HMGXB4: variants seen among roughly 807,000 people sequenced by gnomAD.
HMGXB4 encodes the protein HMG domain-containing protein 4.
Under a neutral mutation model 63.9 loss-of-function variants are expected in HMGXB4, and 27 were observed. That is an observed-to-expected ratio of 0.42 (90% CI 0.31 to 0.58). The LOEUF (loss-of-function observed/expected upper bound fraction) is 0.58, where lower values mean the gene tolerates loss of function less well. Ranked by LOEUF, HMGXB4 falls within the 20% of genes least tolerant of loss-of-function variation. HMGXB4 has a pLI of 0.13. For missense variants in HMGXB4, 624 were observed against 700.7 expected (o/e 0.89, Z 1.24); for synonymous variants, 264 against 265.3 (o/e 0.99, Z 0.05).
intron 8 of HMGXB4, 127 bp downstream of exon 8, chr22:35,287,579 A>G (rs1035642519): frequency 3.0e-6 from 2 of 661,840 alleles, no homozygotes; most frequent in East Asian, 2.8e-5. Context: ...TTACCTGGGA[A>G]TGTTACAAGC....
rs190899555 is a variant in HMGXB4 at position 35,277,649 on chromosome 22, A to G, written c.1216-6313A>G. ...AGGTGTGAGCCACTGCGCCCAGCCA[A>G]TGTGGTTTCTATTCATGTGAAATTT... On this transcript the variant is annotated intron_variant, in intron 5 of 10. Transcript: ENST00000216106. Among the ~76,000 whole-genome samples, 420 of 152,286 alleles carry G rather than the reference A, an allele frequency of 2.8e-3. 2 individuals carry two copies. The highest frequency in any genetic ancestry group is 5.9e-3 in the Admixed American group (90 of 15,288).
At chr22:35,244,003 C>T in the HMGXB4 span, among the ~76,000 whole-genome samples, 8 of 151,962 alleles carry the variant, frequency 5.3e-5, no homozygotes, top group Non-Finnish European at 1.0e-4. Flanking sequence ...ATTTAGTTTT[C>T]AAAAGTTTAG....
At chr22:35,251,235 C>A in the HMGXB4 span, among the ~76,000 whole-genome samples, 1 of 152,040 alleles carries the variant, frequency 6.6e-6, no homozygotes, top group Non-Finnish European at 1.5e-5. Flanking sequence ...CCACCACATC[C>A]GGCTAATTTT....
chr22:35,265,456 C>A lies in HMGXB4; in HGVS notation c.1068C>A (p.Val356=). The change falls in exon 5 of 11, where the codon GTC becomes GTA. Residue 356 remains valine (V), a synonymous_variant. Coordinates refer to ENST00000216106, the MANE Select transcript of HMGXB4 (RefSeq NM_001003681.3). ...TTTCTGCCGTGCCAGTGGGAGAGGTCACAGTGACATCTGGCCCTCCTCCCA... is the reference window on the plus strand; with the variant it reads ...TTTCTGCCGTGCCAGTGGGAGAGGTAACAGTGACATCTGGCCCTCCTCCCA... ...LGLSAVPVGE[V]TVTSGPPPSI... 1 of 1,614,060 alleles carries A rather than the reference C, an allele frequency of 6.2e-7. No homozygotes were observed. Among genetic ancestry groups the A allele is most frequent in the South Asian group, 1.1e-5 (1 of 91,062 alleles).
In HMGXB4 at chr22:35,263,847, C is replaced by T. The variant is rs370570982; in HGVS notation, c.232C>T (p.His78Tyr). ...GGACACACACAAGAAGAAGAGGAAG[C>T]ACTCCTCTGATGATTACTACTATGG... ...GTDTHKKKRKHSSDDYYYGDI... is the reference protein window; with the variant it reads ...GTDTHKKKRKYSSDDYYYGDI... Residue 78 changes from histidine (H) to tyrosine (Y), a missense_variant, in exon 4 of 11, where the codon CAC becomes TAC. By Grantham distance (83) the His-to-Tyr change is moderately conservative. Coordinates refer to ENST00000216106, the MANE Select transcript of HMGXB4 (RefSeq NM_001003681.3). 27 of 1,612,992 alleles carry T rather than the reference C, an allele frequency of 1.7e-5. 1 individual carries two copies. The African/African-American group carries it at 3.5e-4, about 21-fold the overall frequency.
chr22:35,277,170 TC>T (rs1923960710), intron 5 of HMGXB4, among the ~76,000 whole-genome samples: 1 of 152,190 alleles, frequency 6.6e-6, no homozygotes, highest in Admixed American at 6.5e-5. Flanking sequence ...CAGGTTCTCA[TC>T]CGAGGCTCAA....
intron 1 of HMGXB4, among the ~76,000 whole-genome samples, chr22:35,260,034 T>C (rs937046056): frequency 7.9e-5 from 12 of 152,222 alleles, no homozygotes; most frequent in Non-Finnish European, 1.6e-4. Context: ...TTTCTTTCTG[T>C]CTTCAGAGGT....
the HMGXB4 span, among the ~76,000 whole-genome samples, chr22:35,245,681 C>G: frequency 6.6e-6 from 1 of 152,088 alleles, no homozygotes; most frequent in Non-Finnish European, 1.5e-5. Context: ...GTTTAGTTAC[C>G]TTTTTCTGAT....
upstream of HMGXB4, chr22:35,257,409 G>A (rs1322620362): frequency 6.5e-6 from 1 of 152,712 alleles, no homozygotes; most frequent in African/African-American, 2.4e-5. Flanking sequence ...TGCGCTCGGC[G>A]CTCTTGGTCG....
Position 35,264,723 on chromosome 22 carries a change from T to G in HMGXB4, c.335T>G (p.Leu112Arg), listed in dbSNP as rs1427554889. ...CAGTCTACTGATACAGCTATGGACC[T>G]GTTGAAAGCTATCACTTCCCCACTG... ...SPQSTDTAMD[L>R]LKAITSPLAA... Residue 112 changes from leucine to arginine, a missense_variant, in exon 5 of 11, where the codon CTG (leucine) becomes CGG (arginine). Leu to Arg is a moderately radical substitution (Grantham distance 102). Transcript: ENST00000216106. 6.2e-7 allele frequency: 1 copy of G among 1,613,804 alleles called. No individual in the cohort carries two copies. The highest frequency in any genetic ancestry group is 1.7e-5 in the Admixed American group (1 of 60,006).
At chr22:35,275,766 C>G (rs1451297208) in intron 5 of HMGXB4, among the ~76,000 whole-genome samples, 1 of 152,154 alleles carries the variant, frequency 6.6e-6, no homozygotes, top group African/African-American at 2.4e-5. Context: ...TTTGAATATT[C>G]TTGATACTGT....
chr22:35,263,574 C>T (rs1371505945), intron 3 of HMGXB4, among the ~76,000 whole-genome samples: 1 of 152,122 alleles, frequency 6.6e-6, no homozygotes, highest in Admixed American at 6.5e-5. Context: ...TGGGCCACTG[C>T]GCCAGGAAAG....
rs569608112 is a variant in HMGXB4, at chr22:35,262,258, T to C, written c.-68-65T>C. On this transcript the variant is annotated intron_variant, in intron 1 of 10. Coordinates refer to ENST00000216106, the MANE Select transcript of HMGXB4 (RefSeq NM_001003681.3). The stretch of plus-strand genomic sequence containing the variant: ...GCCCTTGGATCACTGCGCATTTCCA[T>C]CTGGAAGGTTGCTTCTCCTCAGTGA... 2.0e-4 allele frequency: 174 copies of C among 869,204 alleles called. 2 individuals carry two copies. In the African/African-American group the frequency reaches 2.7e-3, roughly 14 times the overall value. The allele number at this position is 869,204 out of a possible 1,614,324, so 53.8% of individuals were successfully genotyped here.
At chr22:35,244,000 T>C in the HMGXB4 span, among the ~76,000 whole-genome samples, 2 of 152,220 alleles carry the variant, frequency 1.3e-5, no homozygotes, top group Admixed American at 1.3e-4. Context: ...TGTATTTAGT[T>C]TTCAAAAGTT....
rs1298553103 is a variant in HMGXB4, at chr22:35,293,048, C to T, written c.1695C>T (p.Ala565=). The T allele has an allele frequency of 6.2e-7, 1 of 1,613,992 alleles. No individual in the cohort carries two copies. Among genetic ancestry groups the T allele is most frequent in the Non-Finnish European group, 8.5e-7 (1 of 1,179,996 alleles). ...TGCTTCTGGATTCCATTATCTGTGC[C>T]CTTGGCCCCTTGGCATGTCTCACCA... ...LSVLLDSIIC[A]LGPLACLTTQ... The change falls in exon 10 of 11, where the codon GCC becomes GCT. Residue 565 remains alanine (A), a synonymous_variant. Coordinates refer to ENST00000216106, the MANE Select transcript of HMGXB4 (RefSeq NM_001003681.3).
intron 2 of HMGXB4, 96 bp from the exon 3 acceptor site, chr22:35,262,982 G>T: frequency 8.8e-7 from 1 of 1,142,348 alleles, no homozygotes; most frequent in Non-Finnish European, 1.3e-6. Context: ...GTTTTAATTT[G>T]GAAATAGAGG....
At chr22:35,246,150 C>A in the HMGXB4 span, among the ~76,000 whole-genome samples, 2 of 152,150 alleles carry the variant, frequency 1.3e-5, no homozygotes, top group Non-Finnish European at 2.9e-5. Context: ...GAAGGGGGTG[C>A]AGGAGGGCAG....
Position 35,284,027 on chromosome 22 carries a change from T to G in HMGXB4, c.1281T>G (p.Ala427=). 6 of 1,613,478 alleles carry G rather than the reference T, an allele frequency of 3.7e-6. No homozygotes were observed. Among genetic ancestry groups the G allele is most frequent in the Non-Finnish European group, 5.1e-6 (6 of 1,179,346 alleles). ...AAGAGTATCGCGTGACCATTGTGGC[T>G]GACCATCCAGGTATAGGTAAGAACA... ...FCKEYRVTIV[A]DHPGIDFGEL... Residue 427 remains alanine (A), a synonymous_variant, in exon 6 of 11, where the codon GCT becomes GCG. Coordinates refer to ENST00000216106, the MANE Select transcript of HMGXB4 (RefSeq NM_001003681.3).
At chr22:35,262,105 A>G (rs982155371) in intron 1 of HMGXB4, 1 of 372,852 alleles carries the variant, frequency 2.7e-6, no homozygotes, top group Non-Finnish European at 4.9e-6. Context: ...TCCCCAAATG[A>G]CAACTTTAAT....
Sources: allele counts gnomAD v4.1 joint callset (sites outside exome capture counted in the v4.1 genomes callset), GRCh38; gene constraint gnomAD v4.1.1; transcripts MANE v1.5; gene names NCBI Gene and HGNC (gene_info 2026-07-23, HGNC 2026-07-21).